SUGCT: variants seen among roughly 807,000 people sequenced by gnomAD.
The protein encoded by SUGCT is succinyl-CoA:glutarate CoA-transferase.
Under a neutral mutation model 55.0 loss-of-function variants are expected in SUGCT, and 41 were observed. The ratio of observed to expected loss-of-function variants is 0.74; its 90% CI spans 0.58 to 0.97. The LOEUF (loss-of-function observed/expected upper bound fraction) is 0.97, where lower values mean the gene tolerates loss of function less well. Among genes scored for constraint, SUGCT ranks in the 50% least tolerant of loss-of-function variants. SUGCT has a pLI of 0.00. For missense variants in SUGCT, 568 were observed against 547.8 expected (o/e 1.04, Z -0.37); for synonymous variants, 187 against 200.4 (o/e 0.93, Z 0.56).
chr7:40,446,794 C>T (rs1176313397), intron 9 of SUGCT, among the ~76,000 whole-genome samples: 2 of 152,186 alleles, frequency 1.3e-5, no homozygotes, highest in Non-Finnish European at 1.5e-5. Context: ...CCCAGTTCCA[C>T]TCTACCAGCA....
intron 9 of SUGCT, among the ~76,000 whole-genome samples, chr7:40,384,276 A>G (rs185079863): frequency 6.6e-6 from 1 of 152,316 alleles, no homozygotes; most frequent in Admixed American, 6.5e-5. Context: ...GGATACAAAG[A>G]TAAATATGTG....
chr7:40,137,661 G>C (rs1161839969), intron 1 of SUGCT, among the ~76,000 whole-genome samples: 4 of 152,054 alleles, frequency 2.6e-5, no homozygotes, highest in Admixed American at 6.6e-5. Flanking sequence ...TCGTATAGCA[G>C]TATACTCTCT....
At chr7:40,249,313 C>CTATATGTATA in intron 7 of SUGCT, among the ~76,000 whole-genome samples, 1 of 79,512 alleles carries the variant, frequency 1.3e-5, no homozygotes, top group South Asian at 4.6e-4. Context: ...CACCAAAAAG[C>CTATATGTATA]TATATATATA....
intron 6 of SUGCT, among the ~76,000 whole-genome samples, chr7:40,199,249 T>G (rs562708228): frequency 4.6e-5 from 7 of 152,282 alleles, no homozygotes; most frequent in Admixed American, 3.3e-4. Flanking sequence ...TAATGCACTC[T>G]GACAGTTGTG....
chr7:40,754,179 C>G (rs1038924544), intron 13 of SUGCT, among the ~76,000 whole-genome samples: 2 of 152,030 alleles, frequency 1.3e-5, no homozygotes, highest in Non-Finnish European at 2.9e-5. Flanking sequence ...ACTTTAAAGC[C>G]TATTATACAG....
chr7:40,352,218 T>G (rs1360288706), intron 9 of SUGCT, among the ~76,000 whole-genome samples: 1 of 152,236 alleles, frequency 6.6e-6, no homozygotes, highest in Non-Finnish European at 1.5e-5. Flanking sequence ...AGAGATCCAT[T>G]TTCACCAGTT....
intron 9 of SUGCT, among the ~76,000 whole-genome samples, chr7:40,448,946 G>A (rs1375536568): frequency 0.012 from 1,759 of 145,454 alleles, 24 homozygotes; most frequent in African/African-American, 0.043. Context: ...GTGTGTGTGT[G>A]TGTGTATATA....
chr7:40,977,664 G>A, the SUGCT span, among the ~76,000 whole-genome samples: 1 of 152,148 alleles, frequency 6.6e-6, no homozygotes, highest in Non-Finnish European at 1.5e-5. Context: ...GGAAGTTATT[G>A]TTGATAAACA....
At chr7:40,523,110 A>G (rs1226347293) in intron 12 of SUGCT, among the ~76,000 whole-genome samples, 4 of 152,108 alleles carry the variant, frequency 2.6e-5, no homozygotes, top group Non-Finnish European at 5.9e-5. Context: ...TCCTTATAGC[A>G]AAGACTGAGA....
At chr7:40,548,186 C>CTTTTTTTTTTTTTTTTTTTT (rs1186226631) in intron 12 of SUGCT, among the ~76,000 whole-genome samples, 18 of 104,990 alleles carry the variant, frequency 1.7e-4, no homozygotes, top group South Asian at 3.2e-4. Context: ...TTCTTTCTTT[C>CTTTTTTTTTTTTTTTTTTTT]TTTTTTTTTT....
intron 12 of SUGCT, among the ~76,000 whole-genome samples, chr7:40,690,132 A>T (rs1784630288): frequency 6.6e-6 from 1 of 152,158 alleles, no homozygotes; most frequent in Admixed American, 6.5e-5. Flanking sequence ...TGAGCCCCTT[A>T]TTGTTGAGTC....
chr7:40,951,848 T>G, the SUGCT span, among the ~76,000 whole-genome samples: 28 of 152,334 alleles, frequency 1.8e-4, no homozygotes, highest in African/African-American at 6.0e-4. Context: ...TCTTTTACAT[T>G]TGCTGAGGAG....
At chr7:40,467,765 G>A (rs1165929270) in intron 11 of SUGCT, among the ~76,000 whole-genome samples, 2 of 151,890 alleles carry the variant, frequency 1.3e-5, no homozygotes, top group Admixed American at 6.6e-5. Flanking sequence ...TCCTAATAAG[G>A]ATGACGTAAC....
intron 9 of SUGCT, among the ~76,000 whole-genome samples, chr7:40,379,334 T>C (rs868442586): frequency 2.8e-4 from 42 of 152,344 alleles, no homozygotes; most frequent in Middle Eastern, 6.8e-3. Flanking sequence ...CAGTCTAGTC[T>C]AGTCTTTGTC....
chr7:40,853,118 G>C (rs1793938982), intron 13 of SUGCT, among the ~76,000 whole-genome samples: 1 of 151,552 alleles, frequency 6.6e-6, no homozygotes, highest in Non-Finnish European at 1.5e-5. Context: ...AGAAGAGTAG[G>C]GTCCAGGTCT....
At chr7:40,837,687 T>C (rs968635812) in intron 13 of SUGCT, among the ~76,000 whole-genome samples, 1 of 152,038 alleles carries the variant, frequency 6.6e-6, no homozygotes, top group Non-Finnish European at 1.5e-5. Context: ...GGTTGAGCGA[T>C]TGAACCCAGG....
chr7:41,006,878 A>T, the SUGCT span, among the ~76,000 whole-genome samples: 1 of 152,172 alleles, frequency 6.6e-6, no homozygotes, highest in Non-Finnish European at 1.5e-5. Flanking sequence ...GCATTTATTG[A>T]TTGAATACCT....
At chr7:40,887,268 G>A in the SUGCT span, among the ~76,000 whole-genome samples, 1 of 152,164 alleles carries the variant, frequency 6.6e-6, no homozygotes, top group Admixed American at 6.5e-5. Flanking sequence ...TGAGTGATAT[G>A]ACATACTTAT....
At chr7:40,815,710 G>A (rs1308850201) in intron 13 of SUGCT, among the ~76,000 whole-genome samples, 2 of 152,120 alleles carry the variant, frequency 1.3e-5, no homozygotes, top group Non-Finnish European at 2.9e-5. Flanking sequence ...TGCTCTAAAT[G>A]CCTGGAGATT....
Sources: allele counts gnomAD v4.1 joint callset (sites outside exome capture counted in the v4.1 genomes callset), GRCh38; gene constraint gnomAD v4.1.1; transcripts MANE v1.5; gene names NCBI Gene and HGNC (gene_info 2026-07-23, HGNC 2026-07-21).